VWA8: variants seen among roughly 807,000 people sequenced by gnomAD.
VWA8 encodes the protein von Willebrand factor A domain-containing protein 8.
VWA8 carries 221 observed loss-of-function variants against 241.5 expected under a neutral mutation model. That is an observed-to-expected ratio of 0.91 (90% CI 0.82 to 1.02). The LOEUF is 1.02. VWA8 is among the 50% of genes least tolerant of loss of function. VWA8 has a pLI of 0.00. For missense variants in VWA8, 2,322 were observed against 2,328.7 expected (o/e 1.00, Z 0.06); for synonymous variants, 852 against 827.1 (o/e 1.03, Z -0.52).
chr13:41,840,948 C>A (rs570047571), intron 12 of VWA8, among the ~76,000 whole-genome samples: 1 of 152,158 alleles, frequency 6.6e-6, no homozygotes, highest in African/African-American at 2.4e-5. Flanking sequence ...TTATGGAAAG[C>A]CTAACAAGTG....
At chr13:41,625,695 C>T (rs2044685444) in intron 37 of VWA8, among the ~76,000 whole-genome samples, 1 of 152,002 alleles carries the variant, frequency 6.6e-6, no homozygotes, top group Non-Finnish European at 1.5e-5. Flanking sequence ...GGATCTAGAA[C>T]TAGAAATACC....
chr13:41,907,660 AC>A lies in VWA8; in HGVS notation c.408del (p.Ser137GlnfsTer53). ...LTKREVEYIA[L>X]SRDTTETDLK... ...AGATCAGTTTCAGTGGTGTCCCTTG[AC>A]AGGGCAATGTATTCGACCTCCCGTT... On this transcript the variant is annotated frameshift_variant, in exon 4 of 45. Transcript: ENST00000379310. LOFTEE classifies it high-confidence loss of function. 6.2e-7 allele frequency: 1 copy of A among 1,614,056 alleles called. No individual in the cohort carries two copies. Among genetic ancestry groups the A allele is most frequent in the Admixed American group, 1.7e-5 (1 of 60,012 alleles).
intron 36 of VWA8, among the ~76,000 whole-genome samples, chr13:41,674,373 C>T (rs2045045771): frequency 6.6e-6 from 1 of 152,226 alleles, no homozygotes. Flanking sequence ...CTAGCCAAGA[C>T]TTCAACCGCT....
chr13:41,814,013 G>T (rs1264334288), intron 16 of VWA8, among the ~76,000 whole-genome samples: 1 of 151,836 alleles, frequency 6.6e-6, no homozygotes, highest in African/African-American at 2.4e-5. Flanking sequence ...AAAACATAAA[G>T]GTTCTCATCA....
chr13:41,907,676 G>A lies in VWA8; in HGVS notation c.393C>T (p.Val131=), dbSNP rs144440919. 4.9e-5 allele frequency: 79 copies of A among 1,614,030 alleles called. No individual in the cohort carries two copies. The Admixed American group carries it at 9.3e-4, about 19-fold the overall frequency. ...TGTCCCTTGACAGGGCAATGTATTC[G>A]ACCTCCCGTTTGGTCAGCTCCTGTA... ...MQYLELTKRE[V]EYIALSRDTT... is the part of the protein sequence containing the mutation. The change falls in exon 4 of 45, where the codon GTC becomes GTT. Residue 131 remains valine, a synonymous_variant. Coordinates refer to ENST00000379310, the MANE Select transcript of VWA8 (RefSeq NM_015058.2).
chr13:41,942,107 T>G (rs546517346), intron 2 of VWA8, among the ~76,000 whole-genome samples: 1 of 152,342 alleles, frequency 6.6e-6, no homozygotes, highest in Admixed American at 6.5e-5. Context: ...TAAGTTATTA[T>G]ACATCTATTT....
chr13:41,576,120 G>A (rs550972161), intron 42 of VWA8, among the ~76,000 whole-genome samples: 38 of 152,290 alleles, frequency 2.5e-4, no homozygotes, highest in African/African-American at 8.4e-4. Context: ...TTGGGGTGAG[G>A]TAGTTCCCTC....
chr13:41,942,396 A>C (rs1250730401), intron 2 of VWA8, among the ~76,000 whole-genome samples: 1 of 152,240 alleles, frequency 6.6e-6, no homozygotes, highest in African/African-American at 2.4e-5. Flanking sequence ...AGAAGCCTAC[A>C]TGAACTAAAT....
chr13:41,721,618 A>G, intron 24 of VWA8, 43 bp from the exon 25 acceptor site: 1 of 1,561,986 alleles, frequency 6.4e-7, no homozygotes, highest in East Asian at 2.3e-5. Context: ...CAACAAATCC[A>G]TTACGATGTC....
Position 41,729,677 on chromosome 13 carries a change from C to A in VWA8, c.2503G>T (p.Val835Phe), listed in dbSNP as rs767996904. The A allele has an allele frequency of 5.0e-6, 8 of 1,599,736 alleles. No homozygotes were observed. Among genetic ancestry groups the A allele is most frequent in the East Asian group, 2.2e-5 (1 of 44,740 alleles). ...GLIVYEDSPLVKAVKLGHILV... is the reference protein window; with the variant it reads ...GLIVYEDSPLFKAVKLGHILV... ...ATATGACCCAACTTTACTGCTTTAACCTTTGACGACAGAAAATTTATCATA... is the reference window on the plus strand; with the variant it reads ...ATATGACCCAACTTTACTGCTTTAAACTTTGACGACAGAAAATTTATCATA... Residue 835 changes from valine to phenylalanine, a missense_variant and splice_region_variant, in exon 23 of 45, where the codon GTT becomes TTT. By Grantham distance (50) the Val-to-Phe change is conservative (BLOSUM62 -1). Coordinates refer to ENST00000379310, the MANE Select transcript of VWA8 (RefSeq NM_015058.2).
chr13:41,929,269 C>T (rs1273701148), intron 2 of VWA8, among the ~76,000 whole-genome samples: 3 of 151,584 alleles, frequency 2.0e-5, no homozygotes, highest in Admixed American at 1.3e-4. Flanking sequence ...AATCCTCCCA[C>T]CTCAGTCTCC....
chr13:41,701,430 T>C lies in VWA8; in HGVS notation c.3326A>G (p.Asp1109Gly). The change falls in exon 28 of 45, where the codon GAT becomes GGT. Residue 1109 changes from aspartate (D) to glycine (G), a missense_variant. Physicochemically the swap from Asp to Gly is moderately conservative, Grantham distance 94. Transcript: ENST00000379310. ...AATGTCACAGATTATATTAATTTCA[T>C]CCAATGGTATTCTCCATGAGGCACA... is the stretch of plus-strand genomic sequence containing the variant. ...EECASWRIPL[D>G]EINIICDIAT... The C allele has an allele frequency of 1.9e-6, 3 of 1,610,388 alleles. No individual in the cohort carries two copies. The highest frequency in any genetic ancestry group is 1.3e-5 in the African/African-American group (1 of 74,848).
intron 20 of VWA8, among the ~76,000 whole-genome samples, chr13:41,777,300 AG>A (rs1320978533): frequency 2.0e-5 from 3 of 152,200 alleles, no homozygotes; most frequent in Admixed American, 6.5e-5. Context: ...CTATTCAGCC[AG>A]GGACAAGGGA....
At chr13:41,635,849 G>T (rs936697188) in intron 37 of VWA8, among the ~76,000 whole-genome samples, 1 of 152,100 alleles carries the variant, frequency 6.6e-6, no homozygotes, top group African/African-American at 2.4e-5. Flanking sequence ...GGAGGGTGGA[G>T]ATTTCAGGCA....
At chr13:41,949,305 A>G (rs1194044617) in intron 2 of VWA8, among the ~76,000 whole-genome samples, 1 of 152,206 alleles carries the variant, frequency 6.6e-6, no homozygotes, top group African/African-American at 2.4e-5. Context: ...ATAAAAAATG[A>G]TGAGTTCATG....
intron 21 of VWA8, among the ~76,000 whole-genome samples, chr13:41,744,033 C>T (rs1361860110): frequency 6.6e-6 from 1 of 152,228 alleles, no homozygotes; most frequent in East Asian, 1.9e-4. Context: ...GTGCCTGCTT[C>T]CCTTTCTCCC....
intron 2 of VWA8, among the ~76,000 whole-genome samples, chr13:41,932,584 T>C (rs920396140): frequency 3.3e-5 from 5 of 151,672 alleles, no homozygotes; most frequent in African/African-American, 4.8e-5. Flanking sequence ...TCCAATAATA[T>C]ATAAAAAGAC....
chr13:41,712,268 T>C (rs892581762), intron 26 of VWA8, among the ~76,000 whole-genome samples: 7 of 152,156 alleles, frequency 4.6e-5, no homozygotes, highest in African/African-American at 1.7e-4. Context: ...CACCAACACA[T>C]AGAAATGAGA....
rs1873278922 is a variant in VWA8 at position 41,866,002 on chromosome 13, C to A, written c.1247G>T (p.Cys416Phe). ...AGTCTGTATGAAACGGTCTGACGCA[C>A]AAGGTTGACTTAATAGCCTGGTCCC... Reference protein sequence around the residue: ...PAGTRLLSQPCASDRFIQTLS... With the variant: ...PAGTRLLSQPFASDRFIQTLS... The change falls in exon 11 of 45, where the codon TGT becomes TTT. Residue 416 changes from cysteine (C) to phenylalanine (F), a missense_variant. Physicochemically the swap from Cys to Phe is radical, Grantham distance 205. Transcript: ENST00000379310. 3 of 1,614,044 alleles carry A rather than the reference C, an allele frequency of 1.9e-6. No homozygotes were observed. The highest frequency in any genetic ancestry group is 2.7e-5 in the African/African-American group (2 of 74,900).
Sources: allele counts gnomAD v4.1 joint callset (sites outside exome capture counted in the v4.1 genomes callset), GRCh38; gene constraint gnomAD v4.1.1; transcripts MANE v1.5; gene names NCBI Gene and HGNC (gene_info 2026-07-23, HGNC 2026-07-21).